The following RPN2 variants were observed in gnomAD, a reference collection of about 807,000 sequenced individuals.
RPN2 encodes dolichyl-diphosphooligosaccharide--protein glycosyltransferase subunit 2.
A neutral mutation model predicts 71.4 loss-of-function variants in RPN2; 29 were observed. The ratio of observed to expected loss-of-function variants is 0.41; its 90% CI spans 0.30 to 0.55. RPN2 has a LOEUF of 0.55. Ranked by LOEUF, RPN2 falls within the 20% of genes least tolerant of loss-of-function variation. The pLI is 0.35. For synonymous variants in RPN2, 308 were observed against 305.0 expected, an observed-to-expected ratio of 1.01 and a Z score of -0.10; for missense variants, 726 against 774.1, an observed-to-expected ratio of 0.94 and a Z score of 0.74.
At chr20:37,220,328 A>G (rs2067920169) in intron 9 of RPN2, among the ~76,000 whole-genome samples, 1 of 152,162 alleles carries the variant, frequency 6.6e-6, no homozygotes, top group African/African-American at 2.4e-5. Context: ...TGTCCTCCCA[A>G]GAAATGCTCG....
At chr20:37,190,341 C>T (rs932798007) in intron 2 of RPN2, among the ~76,000 whole-genome samples, 1 of 152,190 alleles carries the variant, frequency 6.6e-6, no homozygotes, top group Non-Finnish European at 1.5e-5. Flanking sequence ...GGGATAATTA[C>T]ATGATTGGGC....
At position 37,204,905 on chromosome 20, in the gene RPN2, C is replaced by T. The variant is rs746606688; in HGVS notation, c.690+4C>T. On this transcript the variant is annotated splice_donor_region_variant and intron_variant, in intron 6 of 16. Transcript: ENST00000237530. ...GACTGAGCCATCCATTAAGGAGGTA[C>T]CTATCTAACAATTTTCAGGCATGAA... The T allele has an allele frequency of 4.3e-6, 7 of 1,613,984 alleles. No homozygotes were observed. Among genetic ancestry groups the T allele is most frequent in the South Asian group, 2.2e-5 (2 of 91,082 alleles).
At chr20:37,222,345 A>G (rs1305621955) in intron 9 of RPN2, among the ~76,000 whole-genome samples, 1 of 152,196 alleles carries the variant, frequency 6.6e-6, no homozygotes, top group Non-Finnish European at 1.5e-5. Flanking sequence ...GTGGCTGTGA[A>G]TTCAAAAGTA....
At chr20:37,220,183 T>TTGTGTG (rs369050797) in intron 9 of RPN2, among the ~76,000 whole-genome samples, 100 of 148,134 alleles carry the variant, frequency 6.8e-4, no homozygotes, top group African/African-American at 2.4e-3. Flanking sequence ...GTGTGTGTGT[T>TTGTGTG]TGTGTGTGTG....
intron 10 of RPN2, among the ~76,000 whole-genome samples, 195 bp from the exon 11 acceptor site, chr20:37,225,493 C>T (rs374154480): frequency 6.6e-6 from 1 of 152,206 alleles, no homozygotes; most frequent in Non-Finnish European, 1.5e-5. Flanking sequence ...GTTTATTCTG[C>T]ACTTTTCTCA....
intron 12 of RPN2, 41 bp from the exon 13 acceptor site, chr20:37,229,932 C>A: frequency 6.9e-7 from 1 of 1,453,940 alleles, no homozygotes. Context: ...TCACCCACTT[C>A]TCTGCCCCTG....
At chr20:37,209,996 C>G (rs370269646) in intron 7 of RPN2, 51 bp from the exon 8 acceptor site, 25 of 1,606,216 alleles carry the variant, frequency 1.6e-5, no homozygotes, top group Non-Finnish European at 2.0e-5. Flanking sequence ...AAACAAAATT[C>G]TCTGCTCCTG....
intron 2 of RPN2, among the ~76,000 whole-genome samples, chr20:37,196,963 G>A (rs2067269407): frequency 6.6e-6 from 1 of 152,102 alleles, no homozygotes; most frequent in Non-Finnish European, 1.5e-5. Context: ...GTGGATACCT[G>A]GCCTCTCCTG....
At chr20:37,187,175 T>C (rs2067024821) in intron 2 of RPN2, among the ~76,000 whole-genome samples, 1 of 152,176 alleles carries the variant, frequency 6.6e-6, no homozygotes, top group Admixed American at 6.6e-5. Context: ...TTATTCCATT[T>C]ATTTTTTTAT....
intron 1 of RPN2, among the ~76,000 whole-genome samples, chr20:37,182,428 T>C (rs930334778): frequency 6.6e-6 from 1 of 152,164 alleles, no homozygotes; most frequent in African/African-American, 2.4e-5. Context: ...TCTCTCTTTC[T>C]CACCCAGGGT....
At position 37,195,085 on chromosome 20, in the gene RPN2, G is replaced by A. The variant is rs539213782; in HGVS notation, c.208-3312G>A. On this transcript the variant is annotated intron_variant, in intron 2 of 16. Transcript: ENST00000237530. ...TATTAGCACAGAAAGTTGGAAGCAA[G>A]CAGATCGGGGGTGGACATTTAGGGG... is the stretch of plus-strand genomic sequence containing the variant. 4.1e-4 allele frequency among the ~76,000 whole-genome samples: 62 copies of A among 152,244 alleles called. 1 individual carries two copies. In the South Asian group the frequency reaches 8.5e-3, roughly 21 times the overall value.
intron 15 of RPN2, among the ~76,000 whole-genome samples, chr20:37,234,681 C>T (rs895679623): frequency 1.2e-4 from 11 of 89,344 alleles, no homozygotes; most frequent in South Asian, 7.5e-4. Context: ...ATTTTTTGTT[C>T]GTTGTTTTTT....
intron 9 of RPN2, among the ~76,000 whole-genome samples, chr20:37,220,443 C>T (rs764378688): frequency 2.0e-5 from 3 of 152,088 alleles, no homozygotes; most frequent in Non-Finnish European, 4.4e-5. Context: ...TGGACGCTCT[C>T]ATTAGCATTA....
chr20:37,184,823 C>G (rs2066971096), intron 2 of RPN2, among the ~76,000 whole-genome samples: 1 of 152,118 alleles, frequency 6.6e-6, no homozygotes, highest in African/African-American at 2.4e-5. Flanking sequence ...TTTGACAGAT[C>G]TGTTTTTGTT....
chr20:37,197,913 G>T (rs994212953), intron 2 of RPN2, among the ~76,000 whole-genome samples: 1 of 152,186 alleles, frequency 6.6e-6, no homozygotes, highest in African/African-American at 2.4e-5. Flanking sequence ...TTTTAGATTT[G>T]TTGAGCCTGA....
At chr20:37,184,518 C>T (rs889541879) in intron 2 of RPN2, 145 bp downstream of exon 2, 47 of 816,462 alleles carry the variant, frequency 5.8e-5, no homozygotes, top group Non-Finnish European at 8.2e-5. Flanking sequence ...TTTGGCCAGG[C>T]GTGGTGACTC....
At chr20:37,200,346 C>A in intron 4 of RPN2, 1 of 358,912 alleles carries the variant, frequency 2.8e-6, no homozygotes, top group South Asian at 1.9e-5. Context: ...TTGTCCAGGC[C>A]GGTTGTAATT....
At chr20:37,226,148 A>C (rs932863365) in intron 11 of RPN2, among the ~76,000 whole-genome samples, 24 of 152,032 alleles carry the variant, frequency 1.6e-4, no homozygotes, top group African/African-American at 5.8e-4. Context: ...ATCTCAGCTC[A>C]CTGCAACCTC....
intron 16 of RPN2, 57 bp downstream of exon 16, chr20:37,236,766 C>T (rs1440519694): frequency 5.7e-6 from 9 of 1,572,588 alleles, no homozygotes; most frequent in Non-Finnish European, 7.9e-6. Flanking sequence ...TCAGCTCTGC[C>T]GGCCTAGCTC....
Sources: allele counts gnomAD v4.1 joint callset (sites outside exome capture counted in the v4.1 genomes callset), GRCh38; gene constraint gnomAD v4.1.1; transcripts MANE v1.5; gene names NCBI Gene and HGNC (gene_info 2026-07-23, HGNC 2026-07-21).